The following TENM2 variants were observed in gnomAD, a reference collection of about 807,000 sequenced individuals.
TENM2 encodes the protein teneurin transmembrane protein 2, also known as teneurin-2.
Under a neutral mutation model 245.2 loss-of-function variants are expected in TENM2, and 52 were observed. The observed-to-expected ratio is 0.21, with a 90% CI of 0.17 to 0.27. TENM2 has a LOEUF of 0.27. Among genes scored for constraint, TENM2 ranks in the 10% least tolerant of loss-of-function variants. The pLI is 1.00. For synonymous variants in TENM2, 1,363 were observed against 1,438.9 expected, an observed-to-expected ratio of 0.95 and a Z score of 1.19; for missense variants, 3,046 against 3,666.8, an observed-to-expected ratio of 0.83 and a Z score of 4.37.
intron 2 of TENM2, among the ~76,000 whole-genome samples, chr5:167,501,448 C>T (rs959301991): frequency 2.0e-5 from 3 of 152,134 alleles, no homozygotes; most frequent in African/African-American, 4.8e-5. Context: ...TTGAGTGACC[C>T]TTTCATGCTT....
rs1766443689 is a variant in TENM2, at chr5:167,463,379, A to G, written c.502+87906A>G. ...GGTTTGTGACCATTGTCAGTTGGCT[A>G]GTAATTGCCCATAGAAGAGTATTTA... On this transcript the variant is annotated intron_variant, in intron 2 of 28. Coordinates refer to ENST00000518659, the Ensembl canonical transcript of TENM2. Among the ~76,000 whole-genome samples, 4 of 152,218 alleles carry G rather than the reference A, an allele frequency of 2.6e-5. No individual in the cohort carries two copies. In the South Asian group the frequency reaches 8.3e-4, roughly 32 times the overall value.
the TENM2 span, among the ~76,000 whole-genome samples, chr5:167,181,813 C>T: frequency 6.6e-6 from 1 of 152,076 alleles, no homozygotes; most frequent in African/African-American, 2.4e-5. Flanking sequence ...CCAAATTGTT[C>T]TATTTTTGCT....
the TENM2 span, among the ~76,000 whole-genome samples, chr5:167,171,096 C>A: frequency 1.3e-5 from 2 of 152,158 alleles, no homozygotes; most frequent in African/African-American, 4.8e-5. Context: ...GTCTTTAATG[C>A]AACTGAATTG....
At chr5:167,665,379 C>T (rs181143427) in intron 2 of TENM2, among the ~76,000 whole-genome samples, 178 of 151,884 alleles carry the variant, frequency 1.2e-3, no homozygotes, top group Middle Eastern at 3.4e-3. Context: ...AAAGTGGCTG[C>T]GATCCCATTT....
chr5:167,029,247 A>T, the TENM2 span, among the ~76,000 whole-genome samples: 1 of 152,170 alleles, frequency 6.6e-6, no homozygotes, highest in African/African-American at 2.4e-5. Context: ...GAGCTGAAGT[A>T]CTTTCTTCTT....
the TENM2 span, among the ~76,000 whole-genome samples, chr5:167,014,070 A>G: frequency 6.6e-6 from 1 of 151,550 alleles, no homozygotes; most frequent in Admixed American, 6.6e-5. Context: ...TATTTTGTGA[A>G]AAGAAAGCAT....
chr5:167,394,066 A>G (rs1285463832), intron 2 of TENM2, among the ~76,000 whole-genome samples: 1 of 152,144 alleles, frequency 6.6e-6, no homozygotes, highest in Non-Finnish European at 1.5e-5. Context: ...ATTTTCTCTC[A>G]TTCCGTAGAT....
chr5:167,819,371 T>A (rs1004373905), intron 2 of TENM2, among the ~76,000 whole-genome samples: 4 of 152,188 alleles, frequency 2.6e-5, no homozygotes, highest in African/African-American at 4.8e-5. Context: ...AACACAGGGA[T>A]GCATGTTCAG....
chr5:167,136,264 C>T, the TENM2 span, among the ~76,000 whole-genome samples: 1 of 152,186 alleles, frequency 6.6e-6, no homozygotes, highest in Admixed American at 6.5e-5. Context: ...AACGTATAGG[C>T]TGAATGAATC....
At chr5:168,096,425 T>C (rs1307253451) in intron 8 of TENM2, among the ~76,000 whole-genome samples, 1 of 152,258 alleles carries the variant, frequency 6.6e-6, no homozygotes, top group Non-Finnish European at 1.5e-5. Context: ...TCTGAAATGT[T>C]AATTGTTGTT....
intron 1 of TENM2, among the ~76,000 whole-genome samples, chr5:167,369,198 T>G (rs1471627935): frequency 6.6e-6 from 1 of 152,182 alleles, no homozygotes; most frequent in Non-Finnish European, 1.5e-5. Context: ...TCCAGGACCC[T>G]GTTAAGTCTA....
chr5:167,960,353 T>G (rs1780907757), intron 4 of TENM2, among the ~76,000 whole-genome samples: 1 of 152,172 alleles, frequency 6.6e-6, no homozygotes, highest in African/African-American at 2.4e-5. Flanking sequence ...TCTATAAGCC[T>G]CTGACTGGGT....
rs1024564783 is a variant in TENM2, at chr5:167,385,581, T to C, written c.502+10108T>C. 1.1e-4 allele frequency among the ~76,000 whole-genome samples: 17 copies of C among 151,912 alleles called. No individual in the cohort carries two copies. The South Asian group carries it at 1.5e-3, about 13-fold the overall frequency. On this transcript the variant is annotated intron_variant, in intron 2 of 28. Coordinates refer to ENST00000518659, the Ensembl canonical transcript of TENM2. Reference sequence around the variant, plus strand: ...ACATGAGTGAGTTCTTTAGTGGTGATTGTGAGATTTTGGAGCACCCATCAC... The same window carrying C: ...ACATGAGTGAGTTCTTTAGTGGTGACTGTGAGATTTTGGAGCACCCATCAC...
At chr5:167,835,348 A>G (rs966814723) in intron 2 of TENM2, among the ~76,000 whole-genome samples, 22 of 152,200 alleles carry the variant, frequency 1.4e-4, no homozygotes, top group African/African-American at 5.3e-4. Flanking sequence ...GTTGCAGCAA[A>G]GATTTCCTGA....
At chr5:168,033,405 C>G (rs1581115768) in intron 5 of TENM2, among the ~76,000 whole-genome samples, 1 of 151,988 alleles carries the variant, frequency 6.6e-6, no homozygotes, top group African/African-American at 2.4e-5. Flanking sequence ...CTCTCTAAGT[C>G]TCAGTTTTCT....
intron 3 of TENM2, among the ~76,000 whole-genome samples, chr5:167,940,280 T>A (rs1779068335): frequency 6.6e-6 from 1 of 152,192 alleles, no homozygotes; most frequent in African/African-American, 2.4e-5. Flanking sequence ...AATTAACTAA[T>A]TCGGTCATTT....
At chr5:167,886,214 A>G (rs760076792) in intron 3 of TENM2, among the ~76,000 whole-genome samples, 10 of 152,232 alleles carry the variant, frequency 6.6e-5, no homozygotes, top group Non-Finnish European at 1.3e-4. Flanking sequence ...CATAGGATAC[A>G]TAGTTATTAA....
At chr5:167,344,327 T>TATATAG (rs1554137003) in intron 1 of TENM2, among the ~76,000 whole-genome samples, 1 of 102,674 alleles carries the variant, frequency 9.7e-6, no homozygotes, top group African/African-American at 3.1e-5. Context: ...TATATATATA[T>TATATAG]ATAGATATAT....
intron 2 of TENM2, among the ~76,000 whole-genome samples, chr5:167,835,230 C>T (rs899100777): frequency 4.6e-5 from 7 of 152,136 alleles, no homozygotes; most frequent in East Asian, 1.9e-4. Flanking sequence ...TGTTGCTGAA[C>T]GGTGTGATTC....
Sources: gnomAD v4.1 joint callset for allele counts (sites outside exome capture counted in the v4.1 genomes callset) on GRCh38, gnomAD v4.1.1 for gene constraint, MANE v1.5 for transcripts, NCBI Gene and HGNC (gene_info 2026-07-23, HGNC 2026-07-21) for gene names.